The following HEMK2 variants were observed in gnomAD, a reference collection of about 807,000 sequenced individuals.
HEMK2 encodes the protein HemK methyltransferase 2, ETF1 glutamine and histone H4 lysine, also known as methyltransferase HEMK2.
the HEMK2 span, among the ~76,000 whole-genome samples, chr21:28,729,766 C>T: frequency 1.3e-5 from 2 of 152,296 alleles, no homozygotes; most frequent in Non-Finnish European, 2.9e-5. Context: ...GCTTGGCCTA[C>T]AGAAATTCTT....
chr21:28,630,544 G>A, the HEMK2 span, among the ~76,000 whole-genome samples: 2 of 151,822 alleles, frequency 1.3e-5, no homozygotes, highest in Non-Finnish European at 2.9e-5. Flanking sequence ...GTCCAACAAC[G>A]ATAGACTGGA....
chr21:28,860,814 A>G, the HEMK2 span, among the ~76,000 whole-genome samples: 3 of 152,194 alleles, frequency 2.0e-5, no homozygotes, highest in African/African-American at 7.2e-5. Context: ...GAATTTATTG[A>G]TTTGGGCCCA....
the HEMK2 span, among the ~76,000 whole-genome samples, chr21:28,670,710 TCA>T: frequency 6.6e-6 from 1 of 152,230 alleles, no homozygotes; most frequent in Admixed American, 6.5e-5. Flanking sequence ...TTTAATTGAC[TCA>T]CAGTTCCACA....
chr21:28,885,162 C>A, the HEMK2 span: 2 of 1,494,104 alleles, frequency 1.3e-6, no homozygotes, highest in South Asian at 2.5e-5. Flanking sequence ...CACCGCACTT[C>A]TTCAGAAAGC....
the HEMK2 span, among the ~76,000 whole-genome samples, chr21:28,602,634 G>A: frequency 6.6e-6 from 1 of 152,184 alleles, no homozygotes; most frequent in Non-Finnish European, 1.5e-5. Flanking sequence ...CAAGGTCTAG[G>A]TCACAGTATG....
the HEMK2 span, among the ~76,000 whole-genome samples, chr21:28,742,683 AG>A: frequency 6.6e-6 from 1 of 152,050 alleles, no homozygotes; most frequent in African/African-American, 2.4e-5. Context: ...GAAAAAAAAA[AG>A]GAAAAAAAAT....
At chr21:28,805,883 A>C in the HEMK2 span, among the ~76,000 whole-genome samples, 1 of 152,208 alleles carries the variant, frequency 6.6e-6, no homozygotes, top group Admixed American at 6.5e-5. Flanking sequence ...TGTAACACTG[A>C]AACAAGCAAA....
chr21:28,620,655 C>CTTTTTTTTTTT, the HEMK2 span, among the ~76,000 whole-genome samples: 1 of 65,538 alleles, frequency 1.5e-5, no homozygotes, highest in Admixed American at 2.0e-4. Flanking sequence ...ATTCTTCTCT[C>CTTTTTTTTTTT]TTTTCTTTTT....
At chr21:28,737,592 T>TA in the HEMK2 span, among the ~76,000 whole-genome samples, 710 of 147,964 alleles carry the variant, frequency 4.8e-3, 5 homozygotes, top group African/African-American at 0.013. Context: ...CATAGACTGT[T>TA]AAAAAAAAAA....
At chr21:28,784,644 A>G in the HEMK2 span, among the ~76,000 whole-genome samples, 1 of 152,238 alleles carries the variant, frequency 6.6e-6, no homozygotes, top group South Asian at 2.1e-4. Flanking sequence ...TAAATGCACC[A>G]ATCAGTGCTC....
chr21:28,857,154 C>T, the HEMK2 span, among the ~76,000 whole-genome samples: 1,062 of 152,012 alleles, frequency 7.0e-3, 13 homozygotes, highest in African/African-American at 0.024. Context: ...GAAGAGTTAC[C>T]CAGAAGTATG....
chr21:28,680,438 C>A, the HEMK2 span, among the ~76,000 whole-genome samples: 1 of 152,118 alleles, frequency 6.6e-6, no homozygotes, highest in Admixed American at 6.5e-5. Flanking sequence ...AAGTCCAGGA[C>A]CAGAAGGATT....
chr21:28,862,988 A>T, the HEMK2 span, among the ~76,000 whole-genome samples: 1 of 152,000 alleles, frequency 6.6e-6, no homozygotes, highest in Admixed American at 6.6e-5. Flanking sequence ...ATCTCAGCAG[A>T]TGTGTATAGG....
At chr21:28,797,223 C>T in the HEMK2 span, among the ~76,000 whole-genome samples, 2 of 152,136 alleles carry the variant, frequency 1.3e-5, no homozygotes, top group Non-Finnish European at 2.9e-5. Flanking sequence ...GCACATTGCA[C>T]TCCTGTTCTG....
At chr21:28,695,636 C>A in the HEMK2 span, among the ~76,000 whole-genome samples, 4 of 151,986 alleles carry the variant, frequency 2.6e-5, no homozygotes, top group South Asian at 8.3e-4. Flanking sequence ...CCTGGCCCCA[C>A]CCTTGACACG....
the HEMK2 span, among the ~76,000 whole-genome samples, chr21:28,847,202 G>A: frequency 2.6e-5 from 4 of 152,122 alleles, no homozygotes; most frequent in South Asian, 2.1e-4. Context: ...TCTTCAGACC[G>A]CTTTCCACGG....
chr21:28,585,954 A>G, the HEMK2 span, among the ~76,000 whole-genome samples: 52 of 152,240 alleles, frequency 3.4e-4, 1 homozygote, highest in Admixed American at 3.4e-3. Context: ...CCACAATAAT[A>G]TCCAGTAAGT....
At chr21:28,783,859 C>T in the HEMK2 span, among the ~76,000 whole-genome samples, 2 of 152,216 alleles carry the variant, frequency 1.3e-5, no homozygotes, top group Non-Finnish European at 2.9e-5. Flanking sequence ...AGCGGCCGGC[C>T]GGCACCACCA....
the HEMK2 span, among the ~76,000 whole-genome samples, chr21:28,603,794 CAAT>C: frequency 6.6e-6 from 1 of 152,142 alleles, no homozygotes; most frequent in African/African-American, 2.4e-5. Context: ...GTCTGCCTTG[CAAT>C]AAATGAACTT....
Sources: gnomAD v4.1 joint callset for allele counts (sites outside exome capture counted in the v4.1 genomes callset) on GRCh38, gnomAD v4.1.1 for gene constraint, MANE v1.5 for transcripts, NCBI Gene and HGNC (gene_info 2026-07-23, HGNC 2026-07-21) for gene names.